Variants in MYRIP observed in about 807,000 individuals in gnomAD.
MYRIP encodes the protein myosin VIIA and Rab interacting protein.
In MYRIP, 49 loss-of-function variants were observed where a neutral mutation model predicts 98.0. The observed-to-expected ratio is 0.50, with a 90% CI of 0.40 to 0.63. The LOEUF (loss-of-function observed/expected upper bound fraction) is 0.63, where lower values mean the gene tolerates loss of function less well. MYRIP is among the 30% of genes least tolerant of loss of function. MYRIP has a pLI of 0.00. For synonymous variants in MYRIP, 404 were observed against 409.5 expected (o/e 0.99, Z 0.16); for missense variants, 1,004 against 1,058.2 (o/e 0.95, Z 0.71).
Position 39,877,671 on chromosome 3 carries a change from G to A in MYRIP, c.-30-23116G>A, listed in dbSNP as rs181768387. Reference sequence around the variant, plus strand: ...GCAGAACAGCGGATTTTCATGTACCGTGAATGCTGCTGTCTGATCGTTCCT... The same window carrying A: ...GCAGAACAGCGGATTTTCATGTACCATGAATGCTGCTGTCTGATCGTTCCT... On this transcript the variant is annotated intron_variant, in intron 1 of 16. Coordinates refer to ENST00000302541, the MANE Select transcript of MYRIP (RefSeq NM_015460.4). Among the ~76,000 whole-genome samples, 115 of 152,288 alleles carry A rather than the reference G, an allele frequency of 7.6e-4. 1 individual carries two copies. Among genetic ancestry groups the A allele is most frequent in the East Asian group, 2.7e-3 (14 of 5,172 alleles).
chr3:40,126,999 A>T (rs1435952654), intron 3 of MYRIP, among the ~76,000 whole-genome samples: 1 of 152,200 alleles, frequency 6.6e-6, no homozygotes, highest in Non-Finnish European at 1.5e-5. Flanking sequence ...GCCCTACAAA[A>T]ACATGTAACA....
intron 3 of MYRIP, among the ~76,000 whole-genome samples, chr3:40,063,412 A>G (rs1948060518): frequency 6.6e-6 from 1 of 152,240 alleles, no homozygotes; most frequent in Non-Finnish European, 1.5e-5. Context: ...TGACATATCC[A>G]GTAGTAAAGC....
intron 2 of MYRIP, among the ~76,000 whole-genome samples, chr3:39,901,257 A>G (rs1943734957): frequency 6.6e-6 from 1 of 152,200 alleles, no homozygotes; most frequent in Non-Finnish European, 1.5e-5. Context: ...AAGGATAACC[A>G]AAGTGTTAAG....
chr3:40,203,168 A>C (rs1028156881), intron 10 of MYRIP, among the ~76,000 whole-genome samples: 1 of 151,682 alleles, frequency 6.6e-6, no homozygotes, highest in African/African-American at 2.4e-5. Context: ...TTGACCTCAT[A>C]ATCTGCCCAC....
chr3:40,040,274 A>G (rs535947917), intron 2 of MYRIP, among the ~76,000 whole-genome samples: 17 of 150,412 alleles, frequency 1.1e-4, no homozygotes, highest in African/African-American at 3.7e-4. Context: ...CAAAACCACT[A>G]TGAGATATCA....
chr3:39,839,165 T>C (rs1469293456), intron 1 of MYRIP, among the ~76,000 whole-genome samples: 1 of 152,016 alleles, frequency 6.6e-6, no homozygotes, highest in East Asian at 1.9e-4. Context: ...TTTTGGAGGG[T>C]TTTTTTGTGT....
intron 3 of MYRIP, among the ~76,000 whole-genome samples, chr3:40,077,906 CGCGCCCT>C (rs374301657): frequency 0.099 from 15,009 of 152,214 alleles, 848 homozygotes; most frequent in East Asian, 0.22. Flanking sequence ...CTGCCAGTCC[CGCGCCCT>C]GCGCCCTGCG....
At chr3:39,923,140 T>G (rs1944341564) in intron 2 of MYRIP, among the ~76,000 whole-genome samples, 1 of 152,056 alleles carries the variant, frequency 6.6e-6, no homozygotes, top group Non-Finnish European at 1.5e-5. Context: ...AGAAATTACC[T>G]AGTGTGAACA....
chr3:40,137,972 A>G (rs1240443691), intron 3 of MYRIP, among the ~76,000 whole-genome samples: 2 of 152,208 alleles, frequency 1.3e-5, no homozygotes, highest in Non-Finnish European at 2.9e-5. Flanking sequence ...AAATTTATTT[A>G]CATCATCTGA....
At chr3:39,811,666 G>C (rs753009605) in intron 1 of MYRIP, among the ~76,000 whole-genome samples, 18 of 147,240 alleles carry the variant, frequency 1.2e-4, no homozygotes, top group Non-Finnish European at 2.7e-4. Flanking sequence ...GTGGGGGGAG[G>C]CTGTGTGTGT....
chr3:40,069,958 T>G (rs1948191716), intron 3 of MYRIP, among the ~76,000 whole-genome samples: 1 of 152,196 alleles, frequency 6.6e-6, no homozygotes, highest in African/African-American at 2.4e-5. Context: ...ATGCTTAAAG[T>G]GGTTCGCAGT....
At position 39,976,108 on chromosome 3, in the gene MYRIP, T is replaced by A. The variant is rs186956934; in HGVS notation, c.111-67942T>A. On this transcript the variant is annotated intron_variant, in intron 2 of 16. Coordinates refer to ENST00000302541, the MANE Select transcript of MYRIP (RefSeq NM_015460.4). ...AAAAGAAACTACCATCAGAGTGAAC[T>A]GGCAACCTACAGAATGGGAGAAAAC... 1.7e-3 allele frequency among the ~76,000 whole-genome samples: 254 copies of A among 152,088 alleles called. 2 individuals carry two copies. The highest frequency in any genetic ancestry group is 5.7e-3 in the African/African-American group (235 of 41,506).
chr3:40,036,806 C>T (rs1947395560), intron 2 of MYRIP, among the ~76,000 whole-genome samples: 1 of 152,052 alleles, frequency 6.6e-6, no homozygotes, highest in South Asian at 2.1e-4. Flanking sequence ...TTCAATCAAA[C>T]AATATTAAGC....
rs370477706 is a variant in MYRIP, at chr3:40,035,279, A to G, written c.111-8771A>G. On this transcript the variant is annotated intron_variant, in intron 2 of 16. Transcript: ENST00000302541. ...AAGAAATCAAAACCGCAAAACCCCA[A>G]GCCTCCACCACAACAAGGTATTGAA... Among the ~76,000 whole-genome samples, 207 of 152,114 alleles carry G rather than the reference A, an allele frequency of 1.4e-3. 3 individuals carry two copies. In the South Asian group the frequency reaches 0.041, roughly 30 times the overall value.
At chr3:39,946,095 C>T (rs1321660982) in intron 2 of MYRIP, among the ~76,000 whole-genome samples, 3 of 151,888 alleles carry the variant, frequency 2.0e-5, no homozygotes, top group Non-Finnish European at 4.4e-5. Context: ...CCTAGAATGT[C>T]AAGGGAGTGG....
intron 3 of MYRIP, among the ~76,000 whole-genome samples, chr3:40,106,699 G>A (rs962183173): frequency 1.3e-5 from 2 of 151,794 alleles, no homozygotes; most frequent in African/African-American, 4.8e-5. Flanking sequence ...ATTTCTCTTT[G>A]TTTTTCTAAC....
At chr3:40,081,327 A>C (rs945877027) in intron 3 of MYRIP, among the ~76,000 whole-genome samples, 1 of 152,214 alleles carries the variant, frequency 6.6e-6, no homozygotes, top group Non-Finnish European at 1.5e-5. Context: ...TTACTGAAAA[A>C]GGCATTTCAA....
intron 2 of MYRIP, among the ~76,000 whole-genome samples, chr3:40,026,030 G>T (rs1428012482): frequency 2.0e-5 from 3 of 152,034 alleles, no homozygotes; most frequent in African/African-American, 7.2e-5. Context: ...ACCAGGGTGT[G>T]GTTTTTCCCC....
At chr3:40,075,291 T>A (rs563763436) in intron 3 of MYRIP, among the ~76,000 whole-genome samples, 41 of 152,286 alleles carry the variant, frequency 2.7e-4, no homozygotes, top group African/African-American at 9.6e-4. Context: ...TACAAATAAG[T>A]ACAGTAGTAC....
Sources: allele counts gnomAD v4.1 joint callset (sites outside exome capture counted in the v4.1 genomes callset), GRCh38; gene constraint gnomAD v4.1.1; transcripts MANE v1.5; gene names NCBI Gene and HGNC (gene_info 2026-07-23, HGNC 2026-07-21).